Variants in CNBD1 observed in about 807,000 individuals in gnomAD.
CNBD1 encodes the protein cyclic nucleotide-binding domain-containing protein 1.
A neutral mutation model predicts 54.4 loss-of-function variants in CNBD1; 71 were observed. The observed-to-expected ratio is 1.30, with a 90% CI of 1.08 to 1.59. The LOEUF is 1.59. Among genes scored for constraint, CNBD1 ranks in the 40% most tolerant of loss-of-function variants. CNBD1 has a pLI of 0.00. For missense variants in CNBD1, 659 were observed against 518.0 expected, an observed-to-expected ratio of 1.27 and a Z score of -2.64; for synonymous variants, 182 against 170.7, an observed-to-expected ratio of 1.07 and a Z score of -0.51.
chr8:87,297,163 CAAAAAAA>C (rs555582073), intron 8 of CNBD1, among the ~76,000 whole-genome samples: 35,261 of 88,712 alleles, frequency 0.4, 4,472 homozygotes, highest in Middle Eastern at 0.54. Context: ...GGGTCCGTCT[CAAAAAAA>C]AAAAAAAAAA....
At position 86,897,425 on chromosome 8, in the gene CNBD1, A is replaced by T. The variant is rs188593535; in HGVS notation, c.159-7656A>T. Among the ~76,000 whole-genome samples, 49 of 152,310 alleles carry T rather than the reference A, an allele frequency of 3.2e-4. No individual in the cohort carries two copies. The East Asian group carries it at 9.5e-3, about 29-fold the overall frequency. On this transcript the variant is annotated intron_variant, in intron 2 of 10. Coordinates refer to ENST00000518476, the MANE Select transcript of CNBD1 (RefSeq NM_173538.3). ...TAAGACGGGGGCCTTGAAAGAGCAG[A>T]CATGGTATGGAGTATGAAAAGAGGC... is the stretch of plus-strand genomic sequence containing the variant.
intron 6 of CNBD1, among the ~76,000 whole-genome samples, chr8:87,271,673 T>C (rs1463887783): frequency 6.6e-6 from 1 of 151,978 alleles, no homozygotes; most frequent in Admixed American, 6.6e-5. Flanking sequence ...TAAATTAGTA[T>C]AGCCACTATG....
chr8:87,408,676 C>T (rs1807690335), intron 2 of CNBD1, among the ~76,000 whole-genome samples: 1 of 152,054 alleles, frequency 6.6e-6, no homozygotes, highest in African/African-American at 2.4e-5. Context: ...GACAGCCCTG[C>T]ATCAAGGAAG....
intron 5 of CNBD1, among the ~76,000 whole-genome samples, chr8:87,207,194 G>T (rs924090713): frequency 5.3e-5 from 8 of 152,164 alleles, no homozygotes; most frequent in African/African-American, 1.7e-4. Flanking sequence ...ATTGAGGATA[G>T]TAATTAAAAC....
rs112072679 is a variant in CNBD1 at position 86,876,514 on chromosome 8, C to G, written c.88+9931C>G. On this transcript the variant is annotated intron_variant, in intron 1 of 10. Transcript: ENST00000518476. Reference sequence around the variant, plus strand: ...CTTTTTCCTTTCCAAAGAACCAGCTCTTGATTTTTACTTTCTATATTTTTT... The same window carrying G: ...CTTTTTCCTTTCCAAAGAACCAGCTGTTGATTTTTACTTTCTATATTTTTT... Among the ~76,000 whole-genome samples the G allele has an allele frequency of 4.9e-3, 748 of 151,604 alleles. 6 individuals are homozygous for G. The highest frequency in any genetic ancestry group is 0.017 in the African/African-American group (705 of 41,422).
intron 10 of CNBD1, among the ~76,000 whole-genome samples, chr8:87,371,208 G>C (rs190779842): frequency 4.7e-4 from 72 of 151,866 alleles, no homozygotes; most frequent in African/African-American, 1.5e-3. Context: ...CTGGGCAATG[G>C]GGGCTCTTTT....
chr8:87,259,457 A>T (rs1808090703), intron 6 of CNBD1, among the ~76,000 whole-genome samples: 1 of 152,156 alleles, frequency 6.6e-6, no homozygotes, highest in Non-Finnish European at 1.5e-5. Flanking sequence ...AAATGTTTTT[A>T]TTTTACTAAT....
intron 4 of CNBD1, among the ~76,000 whole-genome samples, chr8:87,024,377 T>C (rs186074213): frequency 2.6e-5 from 4 of 151,908 alleles, no homozygotes; most frequent in Admixed American, 2.6e-4. Flanking sequence ...TCTCACTGTG[T>C]CTCCCAGGCT....
rs184966967 is a variant in CNBD1, at chr8:87,297,430, T to C, written c.1042+10759T>C. On this transcript the variant is annotated intron_variant, in intron 8 of 10. Transcript: ENST00000518476. ...TATGGGATAGCACAGTCGTAGAACA[T>C]GCAATACTCTTTCTGATACTGTAAA... Among the ~76,000 whole-genome samples, 611 of 152,214 alleles carry C rather than the reference T, an allele frequency of 4.0e-3. 11 individuals are homozygous for C. Among genetic ancestry groups the C allele is most frequent in the African/African-American group, 0.014 (594 of 41,560 alleles).
At chr8:87,227,222 A>C (rs1215323952) in intron 5 of CNBD1, among the ~76,000 whole-genome samples, 1 of 151,344 alleles carries the variant, frequency 6.6e-6, no homozygotes, top group Non-Finnish European at 1.5e-5. Flanking sequence ...TTTTAATTGG[A>C]GCATTTAGTC....
At chr8:87,338,821 A>G (rs1175592776) in intron 8 of CNBD1, among the ~76,000 whole-genome samples, 3 of 152,112 alleles carry the variant, frequency 2.0e-5, no homozygotes, top group East Asian at 3.9e-4. Context: ...GTAGCCTGAC[A>G]TGATGTACTG....
At chr8:87,179,095 G>C (rs958619739) in intron 4 of CNBD1, among the ~76,000 whole-genome samples, 1 of 152,148 alleles carries the variant, frequency 6.6e-6, no homozygotes, top group Admixed American at 6.6e-5. Flanking sequence ...ATTTTTAGTA[G>C]AGATGGGGTT....
intron 10 of CNBD1, among the ~76,000 whole-genome samples, chr8:87,354,612 T>G (rs1388447143): frequency 6.6e-6 from 1 of 151,848 alleles, no homozygotes; most frequent in Admixed American, 6.6e-5. Context: ...TGTGTCCATG[T>G]GTTCTCATTG....
At chr8:87,217,110 C>CT (rs895859841) in intron 5 of CNBD1, among the ~76,000 whole-genome samples, 2 of 151,982 alleles carry the variant, frequency 1.3e-5, no homozygotes, top group South Asian at 2.1e-4. Flanking sequence ...AAAATAAACT[C>CT]TTTTTTATGA....
intron 8 of CNBD1, among the ~76,000 whole-genome samples, chr8:87,318,559 G>C (rs968913045): frequency 6.6e-6 from 1 of 152,004 alleles, no homozygotes; most frequent in Non-Finnish European, 1.5e-5. Context: ...ATTATTCTCA[G>C]TTTTGGGTGC....
At chr8:87,023,160 A>G (rs934108815) in intron 4 of CNBD1, among the ~76,000 whole-genome samples, 2 of 152,170 alleles carry the variant, frequency 1.3e-5, no homozygotes, top group Non-Finnish European at 2.9e-5. Context: ...AATTTATACT[A>G]ATGTTCATGA....
At chr8:87,115,610 A>G (rs1228134697) in intron 4 of CNBD1, among the ~76,000 whole-genome samples, 2 of 152,140 alleles carry the variant, frequency 1.3e-5, no homozygotes, top group South Asian at 2.1e-4. Context: ...GCACAAATAC[A>G]TAGTGTTATG....
At chr8:86,962,067 A>T (rs749144084) in intron 4 of CNBD1, among the ~76,000 whole-genome samples, 6 of 152,190 alleles carry the variant, frequency 3.9e-5, no homozygotes, top group Non-Finnish European at 7.3e-5. Flanking sequence ...AGAGGGATAC[A>T]TCCACTTGTA....
chr8:87,034,812 A>G (rs143173143), intron 4 of CNBD1, among the ~76,000 whole-genome samples: 1 of 152,306 alleles, frequency 6.6e-6, no homozygotes, highest in African/African-American at 2.4e-5. Context: ...CTCATGTACA[A>G]GTGGACCTGT....
Sources: gnomAD v4.1 joint callset for allele counts (sites outside exome capture counted in the v4.1 genomes callset) on GRCh38, gnomAD v4.1.1 for gene constraint, MANE v1.5 for transcripts, NCBI Gene and HGNC (gene_info 2026-07-23, HGNC 2026-07-21) for gene names.